Variants in CYP4V2 observed in about 807,000 individuals in gnomAD.
CYP4V2 encodes cytochrome P450 4V2.
In CYP4V2, 55 loss-of-function variants were observed where a neutral mutation model predicts 60.8. That is an observed-to-expected ratio of 0.90 (90% CI 0.73 to 1.13). The LOEUF is 1.13. Ranked by LOEUF, CYP4V2 falls within the 50% of genes most tolerant of loss-of-function variation. CYP4V2 has a pLI of 0.00. For synonymous variants in CYP4V2, 239 were observed against 236.8 expected, an observed-to-expected ratio of 1.01 and a Z score of -0.08; for missense variants, 675 against 662.9, an observed-to-expected ratio of 1.02 and a Z score of -0.20.
intron 8 of CYP4V2, among the ~76,000 whole-genome samples, chr4:186,208,258 A>G (rs945629147): frequency 3.5e-5 from 5 of 141,064 alleles, no homozygotes; most frequent in Non-Finnish European, 6.1e-5. Context: ...TGCGTATTTG[A>G]TGGGTATTTA....
chr4:186,199,180 A>G, intron 6 of CYP4V2, 97 bp downstream of exon 6: 1 of 1,290,514 alleles, frequency 7.7e-7, no homozygotes, highest in Non-Finnish European at 1.1e-6. Flanking sequence ...TATTAAGTGC[A>G]TTCACGATGT....
chr4:186,196,818 C>T, intron 3 of CYP4V2, 122 bp from the exon 4 acceptor site: 1 of 905,964 alleles, frequency 1.1e-6, no homozygotes, highest in Non-Finnish European at 1.7e-6. Context: ...GTAGATGAAG[C>T]TGTTTCAGGA....
chr4:186,208,881 C>T lies in CYP4V2; in HGVS notation c.1107C>T (p.Pro369=), dbSNP rs532572776. ...LDDVFGKSDR[P]ATVEDLKKLR... ...TTTCATCAGGGAAGTCTGACCGTCC[C>T]GCTACAGTAGAAGACCTGAAGAAAC... The change falls in exon 9 of 11, where the codon CCC becomes CCT. Residue 369 remains proline (P), a synonymous_variant. Transcript: ENST00000378802. 8.7e-6 allele frequency: 14 copies of T among 1,614,196 alleles called. No homozygotes were observed. The highest frequency in any genetic ancestry group is 2.7e-5 in the African/African-American group (2 of 75,048).
In CYP4V2 at chr4:186,201,247, G is replaced by A. The variant is rs1280451304; in HGVS notation, c.892G>A (p.Ala298Thr). The A allele has an allele frequency of 6.2e-7, 1 of 1,614,130 alleles. No homozygotes were observed. The highest frequency in any genetic ancestry group is 8.5e-7 in the Non-Finnish European group (1 of 1,180,014). Residue 298 changes from alanine (A) to threonine (T), a missense_variant, in exon 7 of 11, where the codon GCC becomes ACC. By Grantham distance (58) the Ala-to-Thr change is moderately conservative. Coordinates refer to ENST00000378802, the MANE Select transcript of CYP4V2 (RefSeq NM_207352.4). ...GSAPSKNKRR[A>T]FLDLLLSVTD... is the part of the protein sequence containing the mutation. ...TGCCCCCTCCAAAAATAAACGCAGG[G>A]CCTTTCTTGACTTGCTTTTAAGTGT...
At position 186,210,847 on chromosome 4, in the gene CYP4V2, T is replaced by C; in HGVS notation, c.*206T>C. On this transcript the variant is annotated 3_prime_UTR_variant, in exon 11 of 11. Transcript: ENST00000378802. ...TTTTTTCTTTTTTCTTTATTTTTTTTTTTTGAAACCGTGTCTCACTCTGTC... is the reference window on the plus strand; with the variant it reads ...TTTTTTCTTTTTTCTTTATTTTTTTCTTTTGAAACCGTGTCTCACTCTGTC... 1.6e-6 allele frequency: 1 copy of C among 617,624 alleles called. No individual in the cohort carries two copies. The highest frequency in any genetic ancestry group is 2.7e-6 in the Non-Finnish European group (1 of 374,140). 38.3% of individuals were successfully genotyped at this position (617,624 alleles called of 1,614,324 possible).
intron 8 of CYP4V2, among the ~76,000 whole-genome samples, chr4:186,208,181 T>A (rs200882956): frequency 8.1e-5 from 8 of 98,852 alleles, no homozygotes; most frequent in South Asian, 7.1e-4. Context: ...TCTTCTTTGA[T>A]GGGTATTTGA....
intron 1 of CYP4V2, among the ~76,000 whole-genome samples, chr4:186,193,779 C>G (rs987052323): frequency 6.6e-6 from 1 of 152,190 alleles, no homozygotes. Context: ...AGAATCTTGT[C>G]TTTCACATAC....
At chr4:186,202,841 T>C (rs1016701406) in intron 7 of CYP4V2, 1 of 150,668 alleles carries the variant, frequency 6.6e-6, no homozygotes, top group Non-Finnish European at 1.5e-5. Flanking sequence ...CAGATACTCA[T>C]GCACATACAC....
At chr4:186,192,292 TCCCACCTCA>T (rs1454770867) in intron 1 of CYP4V2, 1 of 691,072 alleles carries the variant, frequency 1.4e-6, no homozygotes, top group South Asian at 1.5e-5. Flanking sequence ...CTCGGTCTTT[TCCCACCTCA>T]CCGCTGCTCA....
In CYP4V2 at chr4:186,212,086, G is replaced by T. The variant is rs1736742169; in HGVS notation, c.*1445G>T. 1 of 152,126 alleles carries T rather than the reference G, an allele frequency of 6.6e-6. No individual in the cohort carries two copies. Among genetic ancestry groups the T allele is most frequent in the Admixed American group, 6.6e-5 (1 of 15,266 alleles). The allele number at this position is 152,126 out of a possible 1,614,324, so 9.4% of individuals were successfully genotyped here. ...GTAAGGGAATAGAATCAATAAGACA[G>T]TTTCTGCCCAAAGTCATGTTACCAG... On this transcript the variant is annotated 3_prime_UTR_variant, in exon 11 of 11. Coordinates refer to ENST00000378802, the MANE Select transcript of CYP4V2 (RefSeq NM_207352.4).
In CYP4V2 at chr4:186,197,080, C is replaced by T. The variant is rs758719879; in HGVS notation, c.554C>T (p.Ala185Val). 6.2e-7 allele frequency: 1 copy of T among 1,613,894 alleles called. No homozygotes were observed. The highest frequency in any genetic ancestry group is 8.5e-7 in the Non-Finnish European group (1 of 1,179,978). The change falls in exon 4 of 11, where the codon GCA becomes GTA. Residue 185 changes from alanine to valine, a missense_variant. By Grantham distance (64) the Ala-to-Val change is moderately conservative. Coordinates refer to ENST00000378802, the MANE Select transcript of CYP4V2 (RefSeq NM_207352.4). ...KKLEKHINQE[A>V]FNCFFYITLC... is the part of the protein sequence containing the mutation. ...CTTGAAAAACACATTAACCAAGAAG[C>T]ATTTAACTGCTTTTTTTACATCACT...
chr4:186,209,251 G>A lies in CYP4V2; in HGVS notation c.1384G>A (p.Ala462Thr). Residue 462 changes from alanine (A) to threonine (T), a missense_variant, in exon 10 of 11, where the codon GCT (alanine) becomes ACT (threonine). Physicochemically the swap from Ala to Thr is moderately conservative, Grantham distance 58. Transcript: ENST00000378802. Reference protein sequence around the residue: ...RHPYAYVPFSAGPRNCIGQKF... With the variant: ...RHPYAYVPFSTGPRNCIGQKF... ...TCCATATGCCTACGTGCCCTTCTCT[G>A]CTGGCCCCAGGAACTGTATAGGTTT... is the stretch of plus-strand genomic sequence containing the variant. 3.1e-6 allele frequency: 5 copies of A among 1,613,774 alleles called. No homozygotes were observed. In the South Asian group the frequency reaches 3.3e-5, roughly 11 times the overall value.
At chr4:186,207,842 C>T (rs1269770544) in intron 8 of CYP4V2, among the ~76,000 whole-genome samples, 1 of 152,172 alleles carries the variant, frequency 6.6e-6, no homozygotes, top group Non-Finnish European at 1.5e-5. Context: ...CTTTCTGTCT[C>T]TCTGGATTTA....
At position 186,204,428 on chromosome 4, in the gene CYP4V2, AAG is replaced by A. The variant is rs5864976; in HGVS notation, c.988-769_988-768del. 7.1e-3 allele frequency: 470 copies of A among 66,282 alleles called. 4 individuals are homozygous for A. Among genetic ancestry groups the A allele is most frequent in the African/African-American group, 0.065 (300 of 4,648 alleles). 4.1% of individuals were successfully genotyped at this position (66,282 alleles called of 1,614,324 possible). A position where few individuals can be genotyped will look rare whatever the true frequency, so the allele number is the denominator to read the frequency against. On this transcript the variant is annotated intron_variant, in intron 7 of 10. Transcript: ENST00000378802. ...GGCGGTGGAGACGTTTCGCTGGCGT[AAG>A]AGGTGGAGGTGGAGACGTTACGCTG...
rs1311773321 is a variant in CYP4V2, at chr4:186,207,545, TA to T, written c.1091-1316del. ...TTTATATTAAAAATTATATAATATA[TA>T]AAATATATTAAAATATATAAAAATA... On this transcript the variant is annotated intron_variant, in intron 8 of 10. Coordinates refer to ENST00000378802, the MANE Select transcript of CYP4V2 (RefSeq NM_207352.4). Among the ~76,000 whole-genome samples the T allele has an allele frequency of 3.4e-5, 5 of 145,872 alleles. No individual in the cohort carries two copies. The Middle Eastern group carries it at 0.011, about 315-fold the overall frequency.
chr4:186,197,187 A>G, intron 4 of CYP4V2, 57 bp downstream of exon 4: 1 of 1,592,436 alleles, frequency 6.3e-7, no homozygotes, highest in Non-Finnish European at 8.6e-7. Flanking sequence ...TGGCCCAAAC[A>G]GGAAATCACA....
At position 186,197,145 on chromosome 4, in the gene CYP4V2, T is replaced by G. The variant is rs376981886; in HGVS notation, c.604+15T>G. ...TATCATCTGTGGTGAGTCTCATCGA[T>G]CTGTTTCTAAATTTATGGCATAAAG... is the stretch of plus-strand genomic sequence containing the variant. On this transcript the variant is annotated intron_variant, in intron 4 of 10. Coordinates refer to ENST00000378802, the MANE Select transcript of CYP4V2 (RefSeq NM_207352.4). 2.2e-5 allele frequency: 35 copies of G among 1,613,350 alleles called. No individual in the cohort carries two copies. In the African/African-American group the frequency reaches 3.9e-4, roughly 18 times the overall value.
At chr4:186,204,725 A>AAGT (rs139119059) in intron 7 of CYP4V2, 8 of 240,166 alleles carry the variant, frequency 3.3e-5, no homozygotes, top group Non-Finnish European at 6.7e-5. Context: ...CCTAAAACTC[A>AAGT]GCAAGTATGA....
rs1736172088 is a variant in CYP4V2 at position 186,197,122 on chromosome 4, T to C, written c.596T>C (p.Ile199Thr). 6.2e-7 allele frequency: 1 copy of C among 1,613,662 alleles called. No individual in the cohort carries two copies. The highest frequency in any genetic ancestry group is 1.3e-5 in the African/African-American group (1 of 74,914). The change falls in exon 4 of 11, where the codon ATC becomes ACC. Residue 199 changes from isoleucine (I) to threonine (T), a missense_variant. Ile to Thr is a moderately conservative substitution (Grantham distance 89). Coordinates refer to ENST00000378802, the MANE Select transcript of CYP4V2 (RefSeq NM_207352.4). The stretch of plus-strand genomic sequence containing the variant: ...TACATCACTCTTTGTGCCTTAGATA[T>C]CATCTGTGGTGAGTCTCATCGATCT... ...FFYITLCALD[I>T]ICETAMGKNI...
Sources: allele counts gnomAD v4.1 joint callset (sites outside exome capture counted in the v4.1 genomes callset), GRCh38; gene constraint gnomAD v4.1.1; transcripts MANE v1.5; gene names NCBI Gene and HGNC (gene_info 2026-07-23, HGNC 2026-07-21).